Variants in CD109 observed in about 807,000 individuals in gnomAD.
The protein encoded by CD109 is CD109 molecule, also known as CD109 antigen.
Under a neutral mutation model 165.8 loss-of-function variants are expected in CD109, and 149 were observed. The ratio of observed to expected loss-of-function variants is 0.90; its 90% CI spans 0.79 to 1.03. The LOEUF (loss-of-function observed/expected upper bound fraction) is 1.03, where lower values mean the gene tolerates loss of function less well. Ranked by LOEUF, CD109 falls within the 50% of genes least tolerant of loss-of-function variation. The probability of loss-of-function intolerance (pLI) is 0.00; values close to 1 mark genes in which losing one functional copy is unlikely to be tolerated. For synonymous variants in CD109, 585 were observed against 592.1 expected (o/e 0.99, Z 0.18); for missense variants, 1,712 against 1,677.8 (o/e 1.02, Z -0.36).
chr6:73,715,855 T>C (rs1167954362), intron 2 of CD109, among the ~76,000 whole-genome samples: 1 of 152,198 alleles, frequency 6.6e-6, no homozygotes, highest in Non-Finnish European at 1.5e-5. Context: ...TATCAAATAC[T>C]AGGTCTTATT....
intron 23 of CD109, 109 bp downstream of exon 23, chr6:73,792,911 T>A: frequency 1.3e-6 from 1 of 773,188 alleles, no homozygotes; most frequent in East Asian, 2.7e-5. Context: ...CTTAGGTAAG[T>A]GATGGGCTAC....
chr6:73,797,573 AT>A (rs11351391), intron 23 of CD109, among the ~76,000 whole-genome samples: 82,251 of 151,966 alleles, frequency 0.54, 22,781 homozygotes, highest in African/African-American at 0.66. Context: ...AATACAGAGA[AT>A]TTTTTTTATC....
At chr6:73,684,859 T>C in the CD109 span, among the ~76,000 whole-genome samples, 7 of 151,842 alleles carry the variant, frequency 4.6e-5, no homozygotes, top group African/African-American at 1.2e-4. Flanking sequence ...TTAGTTTTAT[T>C]TTTGGTACAG....
intron 3 of CD109, among the ~76,000 whole-genome samples, chr6:73,724,991 C>T (rs1479895752): frequency 6.6e-5 from 10 of 152,094 alleles, no homozygotes; most frequent in Non-Finnish European, 1.5e-5. Context: ...TACTCTCAAA[C>T]AATACTTTAT....
intron 14 of CD109, among the ~76,000 whole-genome samples, chr6:73,768,620 C>A (rs73755030): frequency 2.0e-5 from 3 of 152,102 alleles, no homozygotes; most frequent in African/African-American, 7.2e-5. Flanking sequence ...TAGGATAATA[C>A]GTAGAAGCAG....
chr6:73,775,154 T>TA (rs1267380614), intron 15 of CD109, among the ~76,000 whole-genome samples: 1 of 152,042 alleles, frequency 6.6e-6, no homozygotes, highest in Admixed American at 6.6e-5. Context: ...TTTTTTAAAA[T>TA]AAATTTTATT....
Position 73,781,328 on chromosome 6 carries a change from T to C in CD109, c.1963+9T>C, listed in dbSNP as rs1330580052. On this transcript the variant is annotated intron_variant, in intron 17 of 32. Coordinates refer to ENST00000287097, the MANE Select transcript of CD109 (RefSeq NM_133493.5). ...TTATATTGATGGTGTTTGTAAGTAA[T>C]ACATGGCGACATGCTTGTATTTGTC... 1.2e-6 allele frequency: 2 copies of C among 1,608,052 alleles called. No homozygotes were observed. The highest frequency in any genetic ancestry group is 1.3e-5 in the African/African-American group (1 of 74,762).
intron 22 of CD109, among the ~76,000 whole-genome samples, chr6:73,792,263 A>G (rs1339118840): frequency 6.6e-6 from 1 of 152,208 alleles, no homozygotes; most frequent in East Asian, 1.9e-4. Flanking sequence ...GTTTGCGTGA[A>G]GAATACTACT....
chr6:73,752,760 G>A (rs1261480928), intron 5 of CD109, among the ~76,000 whole-genome samples: 4 of 152,156 alleles, frequency 2.6e-5, no homozygotes, highest in Non-Finnish European at 5.9e-5. Context: ...AAGACATGCT[G>A]CCCAAGTATT....
intron 5 of CD109, among the ~76,000 whole-genome samples, chr6:73,740,220 T>A (rs1772719840): frequency 6.6e-6 from 1 of 152,162 alleles, no homozygotes; most frequent in South Asian, 2.1e-4. Context: ...GTAGAAAAAA[T>A]ATGGAATGAT....
intron 26 of CD109, 79 bp from the exon 27 acceptor site, chr6:73,809,905 C>A: frequency 9.2e-7 from 1 of 1,088,756 alleles, no homozygotes; most frequent in Non-Finnish European, 1.3e-6. Flanking sequence ...ACAACTTGGA[C>A]CAGAGTAGGA....
At chr6:73,735,473 G>A (rs1437247677) in intron 4 of CD109, among the ~76,000 whole-genome samples, 3 of 152,042 alleles carry the variant, frequency 2.0e-5, no homozygotes. Flanking sequence ...GGCTGGATGT[G>A]AGGATGGAAA....
At chr6:73,797,810 T>C (rs1396617588) in intron 23 of CD109, among the ~76,000 whole-genome samples, 1 of 152,210 alleles carries the variant, frequency 6.6e-6, no homozygotes, top group East Asian at 1.9e-4. Flanking sequence ...ATGTGTCTTA[T>C]CTGGCCCTTT....
At chr6:73,718,841 A>G (rs1741084925) in intron 2 of CD109, among the ~76,000 whole-genome samples, 3 of 152,178 alleles carry the variant, frequency 2.0e-5, no homozygotes, top group Admixed American at 2.0e-4. Context: ...TTTTATTCAT[A>G]TAACTAAAAA....
At chr6:73,745,421 A>G (rs1307957096) in intron 5 of CD109, among the ~76,000 whole-genome samples, 2 of 152,152 alleles carry the variant, frequency 1.3e-5, no homozygotes, top group Non-Finnish European at 2.9e-5. Flanking sequence ...TGCTGTTTTA[A>G]TATGGCCTCC....
chr6:73,783,557 A>G lies in CD109; in HGVS notation c.2106-150A>G. On this transcript the variant is annotated intron_variant, in intron 18 of 32. Transcript: ENST00000287097. ...GAAAAGTTGGGATTTACTGTTTTATACTTAAACCTTTTAAATGGTTTTAAA... is the reference window on the plus strand; with the variant it reads ...GAAAAGTTGGGATTTACTGTTTTATGCTTAAACCTTTTAAATGGTTTTAAA... 10 of 611,778 alleles carry G rather than the reference A, an allele frequency of 1.6e-5. No individual in the cohort carries two copies. In the South Asian group the frequency reaches 2.0e-4, roughly 12 times the overall value. The allele number at this position is 611,778 out of a possible 1,614,324, so 37.9% of individuals were successfully genotyped here. A position where few individuals can be genotyped will look rare whatever the true frequency, so the allele number is the denominator to read the frequency against.
intron 10 of CD109, among the ~76,000 whole-genome samples, chr6:73,765,277 TGTG>T (rs1773791686): frequency 1.3e-5 from 2 of 151,156 alleles, no homozygotes; most frequent in East Asian, 2.0e-4. Flanking sequence ...TGGGCAGCCT[TGTG>T]GTGGTAGCTG....
At chr6:73,716,784 G>A (rs574351398) in intron 2 of CD109, among the ~76,000 whole-genome samples, 13 of 152,230 alleles carry the variant, frequency 8.5e-5, no homozygotes, top group African/African-American at 2.2e-4. Flanking sequence ...TTAACTTGAC[G>A]TGATCCCATT....
At chr6:73,752,744 G>C (rs747834994) in intron 5 of CD109, among the ~76,000 whole-genome samples, 45 of 152,178 alleles carry the variant, frequency 3.0e-4, no homozygotes, top group Non-Finnish European at 5.7e-4. Flanking sequence ...GGAGGTGTTT[G>C]CTTAAAAGAC....
Sources: gnomAD v4.1 joint callset for allele counts (sites outside exome capture counted in the v4.1 genomes callset) on GRCh38, gnomAD v4.1.1 for gene constraint, MANE v1.5 for transcripts, NCBI Gene and HGNC (gene_info 2026-07-23, HGNC 2026-07-21) for gene names.